The following XPO6 variants were observed in gnomAD, a reference collection of about 807,000 sequenced individuals.
XPO6 encodes exportin-6.
In XPO6, 3 loss-of-function variants were observed where a neutral mutation model predicts 130.0. The observed-to-expected ratio is 0.02, with a 90% CI of 0.01 to 0.06. XPO6 has a LOEUF of 0.06. Among genes scored for constraint, XPO6 ranks in the 10% least tolerant of loss-of-function variants. The pLI, the probability that XPO6 is intolerant of heterozygous loss-of-function variation, is 1.00. For synonymous variants in XPO6, 524 were observed against 548.9 expected (o/e 0.95, Z 0.63); for missense variants, 970 against 1,393.0 (o/e 0.70, Z 4.83).
chr16:28,121,660 C>G lies in XPO6; in HGVS notation c.1859+10G>C, dbSNP rs2087243548. On this transcript the variant is annotated intron_variant, in intron 14 of 23. Transcript: ENST00000304658. Reference sequence around the variant, plus strand: ...CCTAAAAATGCACAAACATCAAACTCTAGACTTACACATCAATGAGGTCAG... The same window carrying G: ...CCTAAAAATGCACAAACATCAAACTGTAGACTTACACATCAATGAGGTCAG... 5 of 1,593,994 alleles carry G rather than the reference C, an allele frequency of 3.1e-6. No individual in the cohort carries two copies. The East Asian group carries it at 1.1e-4, about 36-fold the overall frequency.
intron 17 of XPO6, among the ~76,000 whole-genome samples, chr16:28,108,621 A>G (rs1473128600): frequency 2.6e-5 from 4 of 152,172 alleles, no homozygotes; most frequent in African/African-American, 9.7e-5. Flanking sequence ...CCCCAAAGTG[A>G]CGCCCATGGC....
At chr16:28,119,162 T>C (rs2087158105) in intron 14 of XPO6, among the ~76,000 whole-genome samples, 1 of 151,770 alleles carries the variant, frequency 6.6e-6, no homozygotes, top group Admixed American at 6.6e-5. Flanking sequence ...GCCACAGGCA[T>C]GCACCACTAT....
intron 1 of XPO6, among the ~76,000 whole-genome samples, chr16:28,210,682 T>C (rs1301180541): frequency 6.6e-6 from 1 of 152,034 alleles, no homozygotes; most frequent in African/African-American, 2.4e-5. Context: ...GTATTGAAAG[T>C]ATCGGTCTAG....
At chr16:28,163,367 T>G (rs1304009246) in intron 6 of XPO6, among the ~76,000 whole-genome samples, 3 of 152,260 alleles carry the variant, frequency 2.0e-5, no homozygotes, top group Non-Finnish European at 2.9e-5. Context: ...CTTTTCATCA[T>G]CACGTATGTA....
intron 9 of XPO6, among the ~76,000 whole-genome samples, chr16:28,142,812 C>T (rs1372108125): frequency 6.6e-6 from 1 of 152,156 alleles, no homozygotes; most frequent in Non-Finnish European, 1.5e-5. Context: ...CTCAAGTGAT[C>T]CTCCCACCTT....
chr16:28,166,436 G>T (rs1204040245), intron 6 of XPO6, 72 bp downstream of exon 6: 2 of 1,508,924 alleles, frequency 1.3e-6, no homozygotes, highest in Non-Finnish European at 1.8e-6. Flanking sequence ...GAGGACTACA[G>T]TTGCAAATCA....
At chr16:28,146,319 C>T (rs1422395336) in intron 8 of XPO6, 116 bp from the exon 9 acceptor site, 2 of 856,252 alleles carry the variant, frequency 2.3e-6, no homozygotes, top group Admixed American at 2.5e-5. Flanking sequence ...CCTAGATTCC[C>T]CAGTTTCCTG....
rs565122405 is a variant in XPO6, at chr16:28,177,903, T to C, written c.95-571A>G. Among the ~76,000 whole-genome samples the C allele has an allele frequency of 2.0e-5, 3 of 152,288 alleles. 1 individual carries two copies. The East Asian group carries it at 5.8e-4, about 29-fold the overall frequency. ...TTTTAAAACACTGCCACCAAAAAAG[T>C]GAATCGACCGGTGGCAAGAGCAACG... is the stretch of plus-strand genomic sequence containing the variant. On this transcript the variant is annotated intron_variant, in intron 2 of 23. Transcript: ENST00000304658.
At chr16:28,134,911 G>C (rs1010216477) in intron 10 of XPO6, among the ~76,000 whole-genome samples, 5 of 152,106 alleles carry the variant, frequency 3.3e-5, no homozygotes, top group Non-Finnish European at 7.3e-5. Context: ...CAGAGGTGAG[G>C]GTGCAAGGCA....
In XPO6 at chr16:28,133,891, C is replaced by T. The variant is rs1354973826; in HGVS notation, c.1486G>A (p.Val496Met). 7 of 1,614,082 alleles carry T rather than the reference C, an allele frequency of 4.3e-6. No homozygotes were observed. The Admixed American group carries it at 5.0e-5, about 12-fold the overall frequency. Residue 496 changes from valine to methionine, a missense_variant, in exon 11 of 24, where the codon GTG becomes ATG. Physicochemically the swap from Val to Met is conservative, Grantham distance 21. Coordinates refer to ENST00000304658, the MANE Select transcript of XPO6 (RefSeq NM_015171.4). ...AGGAGCTCCATCACTTTGGCCACCA[C>T]CTCCAAGCTCTGCCGTAAGTACCGC... Reference protein sequence around the residue: ...WQRYLRQSLEVVAKVMELLPT... With the variant: ...WQRYLRQSLEMVAKVMELLPT...
At chr16:28,206,517 C>T (rs1349489726) in intron 1 of XPO6, among the ~76,000 whole-genome samples, 1 of 152,076 alleles carries the variant, frequency 6.6e-6, no homozygotes, top group Admixed American at 6.6e-5. Context: ...TGCTGCGCCC[C>T]AGCCTGGACA....
At chr16:28,152,892 T>C in intron 7 of XPO6, 107 bp from the exon 8 acceptor site, 1 of 1,445,950 alleles carries the variant, frequency 6.9e-7, no homozygotes, top group Non-Finnish European at 9.0e-7. Context: ...ATTTGTAATA[T>C]ATTTTCTTTT....
Position 28,104,591 on chromosome 16 carries a change from A to G in XPO6, c.2901T>C (p.Ala967=), listed in dbSNP as rs371520424. Residue 967 remains alanine, a synonymous_variant, in exon 21 of 24, where the codon GCT becomes GCC. Transcript: ENST00000304658. The part of the protein sequence containing the change: ...TVLASVQRGI[A]EEQMENEPQF... ...GGGGCTCATTCTCCATCTGCTCCTC[A>G]GCGATCCCCCTCTGGACACTGGCCA... The G allele has an allele frequency of 6.2e-7, 1 of 1,614,168 alleles. No homozygotes were observed. The highest frequency in any genetic ancestry group is 8.5e-7 in the Non-Finnish European group (1 of 1,180,040).
At chr16:28,199,004 C>T (rs2043911996) in intron 1 of XPO6, among the ~76,000 whole-genome samples, 2 of 151,964 alleles carry the variant, frequency 1.3e-5, no homozygotes, top group South Asian at 2.1e-4. Flanking sequence ...ATTAGCCGGG[C>T]GTGGTGTCAC....
At chr16:28,164,558 TTCTCAAA>T (rs1451605676) in intron 6 of XPO6, among the ~76,000 whole-genome samples, 1 of 152,218 alleles carries the variant, frequency 6.6e-6, no homozygotes. Flanking sequence ...ATTTTGTTAT[TTCTCAAA>T]TACTAAAATC....
intron 4 of XPO6, among the ~76,000 whole-genome samples, chr16:28,174,824 T>C (rs1033816976): frequency 2.6e-5 from 4 of 152,186 alleles, no homozygotes; most frequent in African/African-American, 9.7e-5. Flanking sequence ...ATAAACTGTA[T>C]ATAATACCCA....
At position 28,194,229 on chromosome 16, in the gene XPO6, TA is replaced by T. The variant is rs200387523; in HGVS notation, c.4-13199del. On this transcript the variant is annotated intron_variant, in intron 1 of 23. Coordinates refer to ENST00000304658, the MANE Select transcript of XPO6 (RefSeq NM_015171.4). The stretch of plus-strand genomic sequence containing the variant: ...TATTTCACTGGTGAGTCAATGAGCT[TA>T]AAAAAAAAGGAACAAAATAAAAATC... Among the ~76,000 whole-genome samples the T allele has an allele frequency of 4.5e-3, 684 of 150,892 alleles. 6 individuals are homozygous for T. Among genetic ancestry groups the T allele is most frequent in the African/African-American group, 0.016 (661 of 41,102 alleles).
rs750142081 is a variant in XPO6, at chr16:28,101,933, A to G, written c.2959T>C (p.Ser987Pro). Residue 987 changes from serine to proline, a missense_variant, in exon 22 of 24, where the codon TCC becomes CCC. Ser to Pro is a moderately conservative substitution (Grantham distance 74). Transcript: ENST00000304658. The surrounding 1 kb of genome is among the most constrained non-coding windows in gnomAD (Gnocchi z 5.4). ...FSAIMQAFGQSFLQPDIHLFK... is the reference protein window; with the variant it reads ...FSAIMQAFGQPFLQPDIHLFK... ...AGGTGGATGTCGGGCTGGAGAAAGG[A>G]CTGTCCGAAAGCCTAGGAAATGAGA... is the stretch of plus-strand genomic sequence containing the variant. The G allele has an allele frequency of 6.2e-7, 1 of 1,614,042 alleles. No individual in the cohort carries two copies. The highest frequency in any genetic ancestry group is 8.5e-7 in the Non-Finnish European group (1 of 1,179,984).
chr16:28,174,526 G>A (rs1450507285), intron 4 of XPO6, among the ~76,000 whole-genome samples: 2 of 152,152 alleles, frequency 1.3e-5, no homozygotes, highest in Non-Finnish European at 2.9e-5. Flanking sequence ...TGTGCTTAGT[G>A]TTCAACAAAT....
Sources: gnomAD v4.1 joint callset for allele counts (sites outside exome capture counted in the v4.1 genomes callset) on GRCh38, gnomAD v4.1.1 for gene constraint, Gnocchi (gnomAD v3.1) non-coding constraint, MANE v1.5 for transcripts, NCBI Gene and HGNC (gene_info 2026-07-23, HGNC 2026-07-21) for gene names.